Variants in ARB2A observed in about 807,000 individuals in gnomAD.
ARB2A encodes the protein cotranscriptional regulator ARB2A.
chr5:94,057,278 CAGA>C, the ARB2A span, among the ~76,000 whole-genome samples: 2,163 of 152,246 alleles, frequency 0.014, 51 homozygotes, highest in African/African-American at 0.049. Flanking sequence ...TAAGCTGACA[CAGA>C]AGGACAAATA....
the ARB2A span, among the ~76,000 whole-genome samples, chr5:94,087,490 T>C: frequency 6.6e-6 from 1 of 152,224 alleles, no homozygotes; most frequent in Non-Finnish European, 1.5e-5. Flanking sequence ...GTTGTATATA[T>C]TTCATGTAGC....
the ARB2A span, among the ~76,000 whole-genome samples, chr5:94,063,195 C>A: frequency 1.3e-5 from 2 of 151,938 alleles, no homozygotes; most frequent in Non-Finnish European, 2.9e-5. Flanking sequence ...GCCTGGCACA[C>A]CCCCTAGCAA....
chr5:93,953,282 C>T, the ARB2A span, among the ~76,000 whole-genome samples: 3 of 152,166 alleles, frequency 2.0e-5, no homozygotes, highest in African/African-American at 7.2e-5. Context: ...CTTGTTGGCA[C>T]ACCTACTTCC....
At chr5:93,999,470 CAAG>C in the ARB2A span, among the ~76,000 whole-genome samples, 1,026 of 152,120 alleles carry the variant, frequency 6.7e-3, 13 homozygotes, top group African/African-American at 0.023. Flanking sequence ...AACCATTTCA[CAAG>C]AAGCCCTTGT....
the ARB2A span, among the ~76,000 whole-genome samples, chr5:93,851,705 T>A: frequency 2.6e-5 from 4 of 152,136 alleles, no homozygotes; most frequent in Admixed American, 1.3e-4. Flanking sequence ...TATGTGGTGT[T>A]TGGTTTTTTG....
At chr5:93,883,352 G>A in the ARB2A span, among the ~76,000 whole-genome samples, 1 of 151,506 alleles carries the variant, frequency 6.6e-6, no homozygotes, top group Non-Finnish European at 1.5e-5. Context: ...TTCACAAAAA[G>A]CTTATAAAAC....
At chr5:93,690,786 C>T in the ARB2A span, among the ~76,000 whole-genome samples, 4 of 152,288 alleles carry the variant, frequency 2.6e-5, no homozygotes, top group African/African-American at 9.6e-5. Flanking sequence ...GGTTGATAGA[C>T]ACCTCATACA....
chr5:93,977,397 T>C, the ARB2A span, among the ~76,000 whole-genome samples: 6 of 152,086 alleles, frequency 3.9e-5, no homozygotes, highest in African/African-American at 2.4e-5. Flanking sequence ...CAAAACAGCA[T>C]GGTACTGGTA....
the ARB2A span, among the ~76,000 whole-genome samples, chr5:94,003,506 G>A: frequency 6.6e-6 from 1 of 151,986 alleles, no homozygotes; most frequent in Non-Finnish European, 1.5e-5. Flanking sequence ...ATTGAGTACA[G>A]CAAGAAATGT....
the ARB2A span, among the ~76,000 whole-genome samples, chr5:93,856,021 T>C: frequency 6.6e-6 from 1 of 151,986 alleles, no homozygotes; most frequent in South Asian, 2.1e-4. Context: ...TACTACGAGC[T>C]ACAGGAGGAA....
the ARB2A span, among the ~76,000 whole-genome samples, chr5:93,648,881 T>C: frequency 6.6e-6 from 1 of 152,176 alleles, no homozygotes; most frequent in Admixed American, 6.5e-5. Context: ...GAATTTCAGA[T>C]TGTTAACCTA....
chr5:93,898,372 A>G, the ARB2A span, among the ~76,000 whole-genome samples: 1 of 151,956 alleles, frequency 6.6e-6, no homozygotes, highest in African/African-American at 2.4e-5. Flanking sequence ...AGCACAAGTG[A>G]CATACACATA....
At chr5:93,852,692 C>G in the ARB2A span, among the ~76,000 whole-genome samples, 10 of 152,256 alleles carry the variant, frequency 6.6e-5, no homozygotes, top group African/African-American at 2.4e-4. Flanking sequence ...GTTTTCCCAG[C>G]ACCATTTATT....
chr5:93,944,891 G>A, the ARB2A span, among the ~76,000 whole-genome samples: 1 of 152,046 alleles, frequency 6.6e-6, no homozygotes, highest in African/African-American at 2.4e-5. Flanking sequence ...CCTCCAGAAG[G>A]ATAAAATGAC....
chr5:94,005,944 T>A, the ARB2A span, among the ~76,000 whole-genome samples: 1 of 152,156 alleles, frequency 6.6e-6, no homozygotes, highest in Non-Finnish European at 1.5e-5. Context: ...GAATGTAAAA[T>A]GGTACAGACA....
the ARB2A span, among the ~76,000 whole-genome samples, chr5:93,978,407 C>T: frequency 2.0e-5 from 3 of 152,094 alleles, no homozygotes; most frequent in Non-Finnish European, 2.9e-5. Context: ...AAATGTGGTA[C>T]ACATACATGA....
chr5:93,998,080 T>C, the ARB2A span, among the ~76,000 whole-genome samples: 2 of 151,860 alleles, frequency 1.3e-5, no homozygotes, highest in Non-Finnish European at 2.9e-5. Context: ...AAGGAACAAC[T>C]TGTGCACTCT....
the ARB2A span, among the ~76,000 whole-genome samples, chr5:93,825,286 C>T: frequency 8.2e-6 from 1 of 121,678 alleles, no homozygotes; most frequent in Non-Finnish European, 1.7e-5. Context: ...CATCACTTAT[C>T]TCATCAATTA....
the ARB2A span, among the ~76,000 whole-genome samples, chr5:93,868,464 G>A: frequency 6.6e-5 from 10 of 152,198 alleles, no homozygotes; most frequent in East Asian, 1.9e-4. Context: ...GTGTGCATGC[G>A]TGAGTACTGA....
Sources: gnomAD v4.1 joint callset for allele counts (sites outside exome capture counted in the v4.1 genomes callset) on GRCh38, gnomAD v4.1.1 for gene constraint, MANE v1.5 for transcripts, NCBI Gene and HGNC (gene_info 2026-07-23, HGNC 2026-07-21) for gene names.